GNAL: variants seen among roughly 807,000 people sequenced by gnomAD.
GNAL encodes the protein guanine nucleotide-binding protein G(olf) subunit alpha.
GNAL carries 18 observed loss-of-function variants against 55.1 expected under a neutral mutation model. The ratio of observed to expected loss-of-function variants is 0.33; its 90% confidence interval spans 0.23 to 0.48. The LOEUF is 0.48. Ranked by LOEUF, GNAL falls within the 20% of genes least tolerant of loss-of-function variation. The probability of loss-of-function intolerance (pLI) is 0.99; values close to 1 mark genes in which losing one functional copy is unlikely to be tolerated. For missense variants in GNAL, 412 were observed against 614.1 expected, an observed-to-expected ratio of 0.67 and a Z score of 3.48; for synonymous variants, 253 against 237.0, an observed-to-expected ratio of 1.07 and a Z score of -0.62.
At chr18:11,865,587 C>CAA (rs61456751) in intron 7 of GNAL, among the ~76,000 whole-genome samples, 6 of 123,130 alleles carry the variant, frequency 4.9e-5, no homozygotes, top group Non-Finnish European at 8.2e-5. Context: ...CTGTCTCTAC[C>CAA]AAAAAAAAAA....
At chr18:11,744,367 T>G (rs1236777645) in intron 1 of GNAL, among the ~76,000 whole-genome samples, 1 of 152,188 alleles carries the variant, frequency 6.6e-6, no homozygotes, top group Non-Finnish European at 1.5e-5. Flanking sequence ...AAAAGGAAAA[T>G]GGAAAAATAT....
chr18:11,784,774 A>G (rs1452201641), intron 4 of GNAL, among the ~76,000 whole-genome samples: 4 of 152,178 alleles, frequency 2.6e-5, no homozygotes, highest in Admixed American at 6.5e-5. Context: ...ACCAAAAGCC[A>G]GTACCTGGTC....
At chr18:11,704,315 G>A (rs367801023) in intron 1 of GNAL, among the ~76,000 whole-genome samples, 6 of 152,212 alleles carry the variant, frequency 3.9e-5, no homozygotes, top group Non-Finnish European at 7.3e-5. Context: ...TTAGAGATTG[G>A]AATGCCAGAA....
intron 5 of GNAL, chr18:11,851,745 G>T: frequency 6.2e-7 from 1 of 1,613,968 alleles, no homozygotes; most frequent in Non-Finnish European, 8.5e-7. Flanking sequence ...TGGCTGCCAG[G>T]GTCCAGACGG....
At chr18:11,757,726 C>T (rs8097608) in intron 4 of GNAL, among the ~76,000 whole-genome samples, 4,532 of 152,154 alleles carry the variant, frequency 0.03, 85 homozygotes, top group Middle Eastern at 0.044. Flanking sequence ...ATGACTATTA[C>T]GACATCTAAG....
At chr18:11,878,374 C>CCGG (rs1349725599) in intron 11 of GNAL, among the ~76,000 whole-genome samples, 1 of 152,142 alleles carries the variant, frequency 6.6e-6, no homozygotes, top group Non-Finnish European at 1.5e-5. Flanking sequence ...TCCCTTGAGC[C>CCGG]TAGGAATTTG....
At chr18:11,848,079 T>C (rs147112885) in intron 5 of GNAL, among the ~76,000 whole-genome samples, 111 of 151,966 alleles carry the variant, frequency 7.3e-4, no homozygotes, top group African/African-American at 2.6e-3. Flanking sequence ...CTTTGAGGAG[T>C]TGCCAATCAG....
At chr18:11,859,699 A>G (rs2143825031) in intron 5 of GNAL, among the ~76,000 whole-genome samples, 1 of 151,522 alleles carries the variant, frequency 6.6e-6, no homozygotes, top group African/African-American at 2.4e-5. Flanking sequence ...GCCTCTCAAT[A>G]GCCCTGTCAC....
Position 11,752,940 on chromosome 18 carries a change from T to A in GNAL, c.449+15T>A, listed in dbSNP as rs772418789. The A allele has an allele frequency of 6.5e-7, 1 of 1,535,786 alleles. No individual in the cohort carries two copies. Among genetic ancestry groups the A allele is most frequent in the South Asian group, 1.1e-5 (1 of 89,132 alleles). On this transcript the variant is annotated intron_variant, in intron 2 of 11. Coordinates refer to ENST00000334049, the MANE Select transcript of GNAL (RefSeq NM_182978.4). This position sits in a 1 kb window ranked among gnomAD's most constrained non-coding sequence, Gnocchi z 4.5. ...TTTAATCCCGAGTAAGAATGTTCAG[T>A]TTGCTTCCAAACTGCATGCAAACTT...
At chr18:11,852,289 T>A in intron 5 of GNAL, 1 of 735,382 alleles carries the variant, frequency 1.4e-6, no homozygotes, top group Non-Finnish European at 2.2e-6. Flanking sequence ...TCTGCACTCT[T>A]AGCTGGATTC....
chr18:11,757,410 G>A (rs913339772), intron 4 of GNAL, among the ~76,000 whole-genome samples: 3 of 152,264 alleles, frequency 2.0e-5, no homozygotes, highest in Admixed American at 1.3e-4. Context: ...GATGGAGAAC[G>A]GATTGTGGGG....
In GNAL at chr18:11,861,070, C is replaced by T. The variant is rs1598435111; in HGVS notation, c.723-1325C>T. On this transcript the variant is annotated intron_variant, in intron 5 of 11. Transcript: ENST00000334049. Reference sequence around the variant, plus strand: ...AGATTGGGAGGCAACATCGCCTCCTCTGCATGAAATGCTCATGGGCACATG... The same window carrying T: ...AGATTGGGAGGCAACATCGCCTCCTTTGCATGAAATGCTCATGGGCACATG... Among the ~76,000 whole-genome samples the T allele has an allele frequency of 3.9e-5, 6 of 152,298 alleles. No individual in the cohort carries two copies. The South Asian group carries it at 1.2e-3, about 32-fold the overall frequency.
chr18:11,827,581 C>T (rs578089132), intron 5 of GNAL, among the ~76,000 whole-genome samples: 1 of 152,132 alleles, frequency 6.6e-6, no homozygotes, highest in Non-Finnish European at 1.5e-5. Context: ...CACCTGCACT[C>T]CAGCCTGAGT....
chr18:11,833,849 C>T (rs942194792), intron 5 of GNAL, among the ~76,000 whole-genome samples: 2 of 152,166 alleles, frequency 1.3e-5, no homozygotes, highest in African/African-American at 4.8e-5. Context: ...TGGAACGCTT[C>T]GTCACACGGA....
chr18:11,769,009 T>C (rs1234158379), intron 4 of GNAL, among the ~76,000 whole-genome samples: 4 of 107,918 alleles, frequency 3.7e-5, no homozygotes, highest in East Asian at 4.2e-4. Context: ...ATAGAATATA[T>C]ATATTCTATA....
At chr18:11,830,282 CTT>C (rs71172023) in intron 5 of GNAL, among the ~76,000 whole-genome samples, 50 of 99,214 alleles carry the variant, frequency 5.0e-4, no homozygotes, top group African/African-American at 1.9e-3. Context: ...AGAATTGCAT[CTT>C]TTTTTTTTTT....
chr18:11,768,893 CAAAAA>C (rs201256718), intron 4 of GNAL, among the ~76,000 whole-genome samples: 53 of 79,570 alleles, frequency 6.7e-4, no homozygotes, highest in Middle Eastern at 9.6e-3. Context: ...GACTCTGTCT[CAAAAA>C]AAAAAAAAAA....
At chr18:11,795,347 G>A (rs2034349933) in intron 4 of GNAL, among the ~76,000 whole-genome samples, 1 of 144,970 alleles carries the variant, frequency 6.9e-6, no homozygotes, top group Non-Finnish European at 1.5e-5. Context: ...GACGCAGTGA[G>A]CTCACTACAC....
At chr18:11,832,382 C>T (rs974416018) in intron 5 of GNAL, among the ~76,000 whole-genome samples, 3 of 152,192 alleles carry the variant, frequency 2.0e-5, no homozygotes, top group Non-Finnish European at 2.9e-5. Flanking sequence ...TTTTCTGCTG[C>T]AGTCCCAGAT....
Sources: allele counts gnomAD v4.1 joint callset (sites outside exome capture counted in the v4.1 genomes callset), GRCh38; gene constraint gnomAD v4.1.1; non-coding constraint Gnocchi (gnomAD v3.1); transcripts MANE v1.5; gene names NCBI Gene and HGNC (gene_info 2026-07-23, HGNC 2026-07-21).